The following RSPH6A variants were observed in gnomAD, a reference collection of about 807,000 sequenced individuals.
The protein encoded by RSPH6A is radial spoke head 6 homolog A, also known as radial spoke head protein 6 homolog A.
Under a neutral mutation model 66.1 loss-of-function variants are expected in RSPH6A, and 49 were observed. The observed-to-expected ratio is 0.74, with a 90% CI of 0.59 to 0.94. The LOEUF (loss-of-function observed/expected upper bound fraction) is 0.94. Among genes scored for constraint, RSPH6A ranks in the 40% least tolerant of loss-of-function variants. RSPH6A has a pLI of 0.00. For missense variants in RSPH6A, 977 were observed against 948.3 expected, an observed-to-expected ratio of 1.03 and a Z score of -0.40; for synonymous variants, 419 against 402.4, an observed-to-expected ratio of 1.04 and a Z score of -0.49.
chr19:45,795,880 T>TCTCTTCGCCCTCCTCCTC lies in RSPH6A; in HGVS notation c.2142_2143insGAGGAGGAGGGCGAAGAG (p.Glu709_Glu714dup). Reference sequence around the variant, plus strand: ...CTAGAGGGTGGGCCTCAGTCATCTGTCTCCTCGCCCTCCTCCTCCTCCTCG... The same window carrying TCTCTTCGCCCTCCTCCTC: ...CTAGAGGGTGGGCCTCAGTCATCTGTCTCTTCGCCCTCCTCCTCCTCCTCGCCCTCCTCCTCCTCCTCG... On this transcript the variant is annotated inframe_insertion, in exon 6 of 6. Transcript: ENST00000221538. 6.4e-7 allele frequency: 1 copy of TCTCTTCGCCCTCCTCCTC among 1,565,618 alleles called. No homozygotes were observed. The highest frequency in any genetic ancestry group is 1.2e-5 in the South Asian group (1 of 86,032).
chr19:45,806,815 C>T (rs1970550631), intron 2 of RSPH6A, among the ~76,000 whole-genome samples: 1 of 151,930 alleles, frequency 6.6e-6, no homozygotes, highest in South Asian at 2.1e-4. Context: ...AAATGCCTGC[C>T]AGCCCCTATC....
intron 4 of RSPH6A, among the ~76,000 whole-genome samples, 182 bp from the exon 5 acceptor site, chr19:45,800,745 C>G (rs1473907781): frequency 4.8e-5 from 6 of 125,148 alleles, no homozygotes; most frequent in African/African-American, 1.6e-4. Flanking sequence ...CACACACACA[C>G]ACACACACAC....
At position 45,815,054 on chromosome 19, in the gene RSPH6A, C is replaced by T. The variant is rs45598433; in HGVS notation, c.123G>A (p.Glu41=). The T allele has an allele frequency of 0.019, 29,968 of 1,613,628 alleles. 311 individuals carry two copies. Among genetic ancestry groups the T allele is most frequent in the Non-Finnish European group, 0.022 (26,294 of 1,180,018 alleles). ...DQAQALAADP[E]ERQQIPPDAQ... is the part of the protein sequence containing the mutation. Reference sequence around the variant, plus strand: ...CGTCTGGAGGTATCTGCTGCCTCTCCTCGGGGTCCGCTGCCAGGGCCTGAG... The same window carrying T: ...CGTCTGGAGGTATCTGCTGCCTCTCTTCGGGGTCCGCTGCCAGGGCCTGAG... The change falls in exon 1 of 6, where the codon GAG becomes GAA. Residue 41 remains glutamate, a synonymous_variant. Transcript: ENST00000221538.
intron 5 of RSPH6A, among the ~76,000 whole-genome samples, chr19:45,797,683 C>T (rs1329309643): frequency 6.6e-6 from 1 of 151,566 alleles, no homozygotes; most frequent in African/African-American, 2.4e-5. Context: ...TCGAGACCAC[C>T]CTGGTGAAAC....
At chr19:45,806,071 A>T (rs1970539082) in intron 2 of RSPH6A, among the ~76,000 whole-genome samples, 1 of 152,160 alleles carries the variant, frequency 6.6e-6, no homozygotes, top group Non-Finnish European at 1.5e-5. Flanking sequence ...AGCCACTTTT[A>T]TTCATGATTT....
chr19:45,810,163 T>A (rs1600479058), intron 2 of RSPH6A, among the ~76,000 whole-genome samples: 1 of 135,534 alleles, frequency 7.4e-6, no homozygotes, highest in Non-Finnish European at 1.6e-5. Flanking sequence ...TATTTATTTA[T>A]TTATTTTTAT....
In RSPH6A at chr19:45,814,979, C is replaced by A; in HGVS notation, c.198G>T (p.Gln66His). The A allele has an allele frequency of 6.2e-7, 1 of 1,614,020 alleles. No homozygotes were observed. The highest frequency in any genetic ancestry group is 8.5e-7 in the Non-Finnish European group (1 of 1,180,052). The change falls in exon 1 of 6, where the codon CAG (glutamine) becomes CAT (histidine). Residue 66 changes from glutamine to histidine, a missense_variant. Gln to His is a conservative substitution (Grantham distance 24). Coordinates refer to ENST00000221538, the MANE Select transcript of RSPH6A (RefSeq NM_030785.4). ...GWSQRGSLSQ[Q>H]ENLLMPQVFQ... ...AGACCTGGGGCATCAGCAAGTTCTC[C>A]TGTTGGGACAGGCTGCCCCTCTGTG...
chr19:45,810,676 G>T lies in RSPH6A; in HGVS notation c.815C>A (p.Ala272Glu). 1.2e-6 allele frequency: 2 copies of T among 1,613,812 alleles called. No individual in the cohort carries two copies. Among genetic ancestry groups the T allele is most frequent in the South Asian group, 1.1e-5 (1 of 91,050 alleles). ...DPEMQPTYKM[A>E]EKQKALFTRS... The stretch of plus-strand genomic sequence containing the variant: ...GGTGAACAGCGCCTTCTGTTTCTCC[G>T]CCATCTTGTAGGTGGGCTGCATCTC... Residue 272 changes from alanine (A) to glutamate (E), a missense_variant, in exon 2 of 6, where the codon GCG becomes GAG. Physicochemically the swap from Ala to Glu is moderately radical, Grantham distance 107 (BLOSUM62 -1). Coordinates refer to ENST00000221538, the MANE Select transcript of RSPH6A (RefSeq NM_030785.4).
At chr19:45,801,826 C>A (rs1020632635) in intron 4 of RSPH6A, among the ~76,000 whole-genome samples, 2 of 151,848 alleles carry the variant, frequency 1.3e-5, no homozygotes, top group Non-Finnish European at 2.9e-5. Flanking sequence ...CACACACATG[C>A]ACACACACAC....
intron 1 of RSPH6A, among the ~76,000 whole-genome samples, chr19:45,811,417 G>A (rs1021680219): frequency 6.6e-6 from 1 of 152,068 alleles, no homozygotes; most frequent in Non-Finnish European, 1.5e-5. Context: ...TGCCAGGGAT[G>A]GGAGAAGGTT....
At chr19:45,813,259 C>T (rs968447322) in intron 1 of RSPH6A, among the ~76,000 whole-genome samples, 5 of 152,134 alleles carry the variant, frequency 3.3e-5, no homozygotes, top group Non-Finnish European at 7.4e-5. Context: ...GCTCACTCTT[C>T]CTCCGGTCAT....
intron 5 of RSPH6A, among the ~76,000 whole-genome samples, chr19:45,799,437 C>G (rs1970443220): frequency 6.6e-6 from 1 of 152,218 alleles, no homozygotes; most frequent in Non-Finnish European, 1.5e-5. Context: ...TCACAGCTCA[C>G]TGCAACCTCG....
intron 1 of RSPH6A, among the ~76,000 whole-genome samples, chr19:45,811,313 GAC>G (rs1479217449): frequency 6.6e-6 from 1 of 151,948 alleles, no homozygotes; most frequent in African/African-American, 2.4e-5. Context: ...GGTGGAAACA[GAC>G]ACTAATCAAA....
Position 45,815,212 on chromosome 19 carries a change from C to A in RSPH6A, c.-36G>T. 6.5e-7 allele frequency: 1 copy of A among 1,528,334 alleles called. No homozygotes were observed. 94.7% of individuals were successfully genotyped at this position (1,528,334 alleles called of 1,614,324 possible). A position where few individuals can be genotyped will look rare whatever the true frequency, so the allele number is the denominator to read the frequency against. ...GAGGCACAGATCTCTAGGAGAAAGGCTTGCAGACAAGGAGGCCAAGCGAGA... is the reference window on the plus strand; with the variant it reads ...GAGGCACAGATCTCTAGGAGAAAGGATTGCAGACAAGGAGGCCAAGCGAGA... On this transcript the variant is annotated 5_prime_UTR_variant, in exon 1 of 6. Coordinates refer to ENST00000221538, the MANE Select transcript of RSPH6A (RefSeq NM_030785.4).
intron 5 of RSPH6A, 23 bp downstream of exon 5, chr19:45,800,423 G>T: frequency 6.3e-7 from 1 of 1,598,470 alleles, no homozygotes; most frequent in Non-Finnish European, 8.6e-7. Flanking sequence ...TCTCCTGCTG[G>T]GAGGGGCTGG....
rs1970617097 is a variant in RSPH6A, at chr19:45,810,788, C to A, written c.703G>T (p.Asp235Tyr). ...LTKILNQRPE[D>Y]PLSVLESLNR... ...AGAGACTCCAGGACAGACAAGGGGT[C>A]CTCAGGCCGCTGGTTCAGGATCTTG... The change falls in exon 2 of 6, where the codon GAC becomes TAC. Residue 235 changes from aspartate to tyrosine, a missense_variant. Physicochemically the swap from Asp to Tyr is radical, Grantham distance 160. Coordinates refer to ENST00000221538, the MANE Select transcript of RSPH6A (RefSeq NM_030785.4). 6.2e-7 allele frequency: 1 copy of A among 1,613,704 alleles called. No homozygotes were observed.
chr19:45,814,478 C>A (rs1204800178), intron 1 of RSPH6A, 49 bp downstream of exon 1: 3 of 1,440,766 alleles, frequency 2.1e-6, no homozygotes, highest in Non-Finnish European at 2.7e-6. Context: ...CGGGTGGGGC[C>A]CCTCCCTGCC....
Position 45,814,844 on chromosome 19 carries a change from G to C in RSPH6A, c.333C>G (p.Val111=). ...QPYSDESRMQ[V]AELTTSLMLQ... ...GCATTAGGCTGGTGGTGAGCTCGGC[G>C]ACCTGCATCCTGCTTTCATCAGAGT... The change falls in exon 1 of 6, where the codon GTC becomes GTG. Residue 111 remains valine, a synonymous_variant. Transcript: ENST00000221538. 6.2e-7 allele frequency: 1 copy of C among 1,614,076 alleles called. No homozygotes were observed. Among genetic ancestry groups the C allele is most frequent in the South Asian group, 1.1e-5 (1 of 91,074 alleles).
intron 2 of RSPH6A, among the ~76,000 whole-genome samples, chr19:45,807,150 C>T (rs1482650563): frequency 6.6e-6 from 1 of 151,872 alleles, no homozygotes; most frequent in Non-Finnish European, 1.5e-5. Context: ...TCTTGGCCTC[C>T]CAAAATGCTG....
Sources: allele counts gnomAD v4.1 joint callset (sites outside exome capture counted in the v4.1 genomes callset), GRCh38; gene constraint gnomAD v4.1.1; transcripts MANE v1.5; gene names NCBI Gene and HGNC (gene_info 2026-07-23, HGNC 2026-07-21).